Variants in RNF128 observed in about 807,000 individuals in gnomAD.
The protein encoded by RNF128 is ring finger protein 128, also known as E3 ubiquitin-protein ligase RNF128.
A neutral mutation model predicts 26.2 loss-of-function variants in RNF128; 13 were observed. The ratio of observed to expected loss-of-function variants is 0.50; its 90% CI spans 0.32 to 0.79. The LOEUF is 0.79. RNF128 is among the 30% of genes least tolerant of loss of function. The pLI, the probability that RNF128 is intolerant of heterozygous loss-of-function variation, is 0.03. For missense variants in RNF128, 315 were observed against 349.7 expected, an observed-to-expected ratio of 0.90 and a Z score of 0.79; for synonymous variants, 149 against 142.5, an observed-to-expected ratio of 1.05 and a Z score of -0.32.
chrX:106,742,784 C>A (rs1443091274), intron 1 of RNF128, among the ~76,000 whole-genome samples: 1 of 111,056 alleles, frequency 9.0e-6, no homozygotes, highest in Admixed American at 9.6e-5. Context: ...CCTCCATGCA[C>A]TTCAGGAAAC....
chrX:106,723,691 G>A (rs1033616700), upstream of RNF128, among the ~76,000 whole-genome samples: 3 of 110,655 alleles, frequency 2.7e-5, no homozygotes, highest in African/African-American at 6.6e-5. Flanking sequence ...CAACCATACC[G>A]AACTACTGAA....
intron 1 of RNF128, among the ~76,000 whole-genome samples, chrX:106,759,627 T>C (rs1311519824): frequency 1.8e-5 from 2 of 111,931 alleles, no homozygotes; most frequent in African/African-American, 6.5e-5. Context: ...GTTCCTGTCA[T>C]TTGCAACAAC....
At chrX:106,788,515 TAA>T (rs1930729336) in intron 4 of RNF128, among the ~76,000 whole-genome samples, 1 of 56,396 alleles carries the variant, frequency 1.8e-5, no homozygotes, top group Non-Finnish European at 2.9e-5. Flanking sequence ...ATTATAATTA[TAA>T]TATATATAAT....
At chrX:106,717,366 T>TA (rs957029779) in intron 1 of RNF128, among the ~76,000 whole-genome samples, 23 of 111,503 alleles carry the variant, frequency 2.1e-4, no homozygotes, top group Non-Finnish European at 2.6e-4. Flanking sequence ...TACAATAATC[T>TA]AAAAAAAATT....
intron 4 of RNF128, among the ~76,000 whole-genome samples, chrX:106,789,019 A>G (rs1346446346): frequency 1.2e-5 from 1 of 83,877 alleles, no homozygotes; most frequent in African/African-American, 4.5e-5. Context: ...TATATATACT[A>G]TATAGTGAGA....
intron 1 of RNF128, among the ~76,000 whole-genome samples, chrX:106,699,787 A>G (rs953982309): frequency 1.8e-5 from 2 of 110,915 alleles, no homozygotes; most frequent in Non-Finnish European, 3.8e-5. Flanking sequence ...ATCTTCGGAC[A>G]TTTTCTCCAA....
At chrX:106,787,056 T>A (rs937861302) in intron 3 of RNF128, among the ~76,000 whole-genome samples, 2 of 110,904 alleles carry the variant, frequency 1.8e-5, no homozygotes, top group Non-Finnish European at 3.8e-5. Flanking sequence ...CTTATGAAGT[T>A]AAAAATACAC....
intron 2 of RNF128, among the ~76,000 whole-genome samples, chrX:106,773,686 G>A (rs1930416273): frequency 1.8e-5 from 2 of 111,066 alleles, no homozygotes; most frequent in Non-Finnish European, 3.8e-5. Flanking sequence ...ATATTGTTAG[G>A]CTTCAAGTGG....
chrX:106,788,420 T>TATATA (rs1353273635), intron 4 of RNF128, among the ~76,000 whole-genome samples: 1 of 45,874 alleles, frequency 2.2e-5, no homozygotes, highest in African/African-American at 9.0e-5. Flanking sequence ...TAATATATAA[T>TATATA]ATATATTATA....
chrX:106,795,629 T>C lies in RNF128; in HGVS notation c.1203T>C (p.Asp401=), dbSNP rs753456117. Residue 401 remains aspartate (D), a synonymous_variant, in exon 7 of 7, where the codon GAT becomes GAC. Transcript: ENST00000255499. ...VNHEANSVAV[D]VIPHVDNPTF... is the part of the protein sequence containing the mutation. ...ATGAAGCAAATTCTGTGGCAGTGGA[T>C]GTTATTCCTCATGTTGACAACCCAA... 3.3e-6 allele frequency: 4 copies of C among 1,200,188 alleles called. No individual in the cohort carries two copies. Among genetic ancestry groups the C allele is most frequent in the Non-Finnish European group, 4.5e-6 (4 of 889,438 alleles).
At chrX:106,791,581 TTAAAA>T (rs1328239569) in intron 6 of RNF128, among the ~76,000 whole-genome samples, 3 of 110,924 alleles carry the variant, frequency 2.7e-5, no homozygotes, top group South Asian at 3.8e-4. Context: ...AAAGCAGAAA[TTAAAA>T]TAAAGGAGTT....
intron 4 of RNF128, among the ~76,000 whole-genome samples, chrX:106,789,557 TATA>T (rs1267908757): frequency 4.0e-5 from 4 of 100,549 alleles, no homozygotes; most frequent in Non-Finnish European, 8.1e-5. Context: ...ATATATACTA[TATA>T]ATATTATAAT....
At position 106,726,944 on chromosome X, in the gene RNF128, T is replaced by G. The variant is rs1293582353; in HGVS notation, c.31T>G (p.Cys11Gly). The change falls in exon 1 of 7, where the codon TGC becomes GGC. Residue 11 changes from cysteine (C) to glycine (G), a missense_variant. By Grantham distance (159) the Cys-to-Gly change is radical. Coordinates refer to ENST00000255499, the MANE Select transcript of RNF128 (RefSeq NM_194463.2). MGPPPGAGVS[C>G]RGGCGFSRLL... is the part of the protein sequence containing the mutation. ...GCCGCCGCCTGGGGCCGGGGTCTCC[T>G]GCCGCGGTGGCTGCGGCTTTTCCAG... 1.7e-6 allele frequency: 2 copies of G among 1,183,103 alleles called. No homozygotes were observed. The highest frequency in any genetic ancestry group is 4.8e-5 in the Admixed American group (2 of 41,392).
intron 1 of RNF128, among the ~76,000 whole-genome samples, chrX:106,755,309 T>C (rs1385134976): frequency 3.6e-5 from 4 of 111,636 alleles, no homozygotes; most frequent in Non-Finnish European, 7.5e-5. Context: ...ATGACTTCAC[T>C]GCTGATTTTT....
At chrX:106,701,579 T>G (rs899300498) in intron 1 of RNF128, among the ~76,000 whole-genome samples, 7 of 111,244 alleles carry the variant, frequency 6.3e-5, no homozygotes, top group African/African-American at 2.3e-4. Flanking sequence ...AAATTAGGTA[T>G]GGAAAGAAGA....
At chrX:106,719,298 C>A (rs1230577479) in intron 1 of RNF128, among the ~76,000 whole-genome samples, 1 of 110,248 alleles carries the variant, frequency 9.1e-6, no homozygotes, top group Non-Finnish European at 1.9e-5. Context: ...CAACTCACTT[C>A]AACCTCCCCC....
intron 1 of RNF128, among the ~76,000 whole-genome samples, chrX:106,749,175 C>A (rs1188159710): frequency 8.9e-6 from 1 of 111,805 alleles, no homozygotes; most frequent in African/African-American, 3.2e-5. Context: ...ACTTTCTATT[C>A]CCTAACACAC....
chrX:106,758,556 A>G (rs948103881), intron 1 of RNF128, among the ~76,000 whole-genome samples: 1 of 112,027 alleles, frequency 8.9e-6, no homozygotes, highest in African/African-American at 3.2e-5. Flanking sequence ...TAGTAACCAA[A>G]GAAGCATGGT....
chrX:106,772,256 G>A (rs1245693341), intron 1 of RNF128, among the ~76,000 whole-genome samples: 1 of 111,756 alleles, frequency 8.9e-6, no homozygotes, highest in Non-Finnish European at 1.9e-5. Flanking sequence ...AATAGGTAGT[G>A]AATAGAAATG....
Sources: allele counts gnomAD v4.1 joint callset (sites outside exome capture counted in the v4.1 genomes callset), GRCh38; gene constraint gnomAD v4.1.1; transcripts MANE v1.5; gene names NCBI Gene and HGNC (gene_info 2026-07-23, HGNC 2026-07-21).